The following DSCAM variants were observed in gnomAD, a reference collection of about 807,000 sequenced individuals.
DSCAM encodes DS cell adhesion molecule, also known as cell adhesion molecule DSCAM.
A neutral mutation model predicts 217.7 loss-of-function variants in DSCAM; 47 were observed. The ratio of observed to expected loss-of-function variants is 0.22; its 90% CI spans 0.17 to 0.28. DSCAM has a LOEUF of 0.28. Ranked by LOEUF, DSCAM falls within the 10% of genes least tolerant of loss-of-function variation. DSCAM has a pLI of 1.00. For synonymous variants in DSCAM, 1,056 were observed against 1,015.3 expected, an observed-to-expected ratio of 1.04 and a Z score of -0.76; for missense variants, 2,080 against 2,618.3, an observed-to-expected ratio of 0.79 and a Z score of 4.49.
At chr21:40,678,373 C>A (rs943793018) in intron 3 of DSCAM, among the ~76,000 whole-genome samples, 4 of 152,178 alleles carry the variant, frequency 2.6e-5, no homozygotes, top group African/African-American at 9.7e-5. Context: ...ACCACAAAAT[C>A]CCAGGTTGGA....
In DSCAM at chr21:40,798,931, G is replaced by A. The variant is rs147252712; in HGVS notation, c.43+47688C>T. On this transcript the variant is annotated intron_variant, in intron 1 of 32. Coordinates refer to ENST00000400454, the MANE Select transcript of DSCAM (RefSeq NM_001389.5). Reference sequence around the variant, plus strand: ...GATAAACAAATTTACCATAAAAACAGGAAAATTCCATTCCCAATGCTATAA... The same window carrying A: ...GATAAACAAATTTACCATAAAAACAAGAAAATTCCATTCCCAATGCTATAA... Among the ~76,000 whole-genome samples, 464 of 152,082 alleles carry A rather than the reference G, an allele frequency of 3.1e-3. 2 individuals carry two copies. The highest frequency in any genetic ancestry group is 0.011 in the African/African-American group (448 of 41,516).
intron 11 of DSCAM, among the ~76,000 whole-genome samples, chr21:40,257,468 G>GAA (rs1330480227): frequency 9.8e-4 from 57 of 58,242 alleles, no homozygotes; most frequent in African/African-American, 5.0e-3. Context: ...TGTATTTGCT[G>GAA]AACACACACA....
chr21:40,427,017 C>A (rs1013281859), intron 3 of DSCAM, among the ~76,000 whole-genome samples: 7 of 152,208 alleles, frequency 4.6e-5, no homozygotes. Context: ...GGACCTGATG[C>A]TGTCAGCCGT....
At chr21:40,105,989 T>G (rs2089814858) in intron 20 of DSCAM, among the ~76,000 whole-genome samples, 1 of 152,172 alleles carries the variant, frequency 6.6e-6, no homozygotes, top group African/African-American at 2.4e-5. Flanking sequence ...ATTAGCCCAT[T>G]TTTATACTGC....
intron 3 of DSCAM, among the ~76,000 whole-genome samples, chr21:40,522,259 TAGG>T (rs1187775811): frequency 1.3e-5 from 2 of 152,150 alleles, no homozygotes; most frequent in Admixed American, 6.5e-5. Context: ...TTGTTCTCCT[TAGG>T]AGAAGAGCTA....
chr21:40,330,477 GGTAAA>G (rs1295269664), intron 8 of DSCAM, among the ~76,000 whole-genome samples: 1 of 149,624 alleles, frequency 6.7e-6, no homozygotes, highest in Non-Finnish European at 1.5e-5. Context: ...CTCCAATTAG[GGTAAA>G]GTAATTTGAG....
In DSCAM at chr21:40,783,448, CGT is replaced by C. The variant is rs901949532; in HGVS notation, c.43+63169_43+63170del. 3.1e-3 allele frequency among the ~76,000 whole-genome samples: 472 copies of C among 151,596 alleles called. 2 individuals carry two copies. The highest frequency in any genetic ancestry group is 0.011 in the African/African-American group (447 of 41,346). On this transcript the variant is annotated intron_variant, in intron 1 of 32. Coordinates refer to ENST00000400454, the MANE Select transcript of DSCAM (RefSeq NM_001389.5). ...CTGCATGTGTGTGTACGTGTGTGTG[CGT>C]GTGTGTGTGTGCATGCATACATGTA...
At chr21:40,591,559 A>C (rs73366990) in intron 3 of DSCAM, among the ~76,000 whole-genome samples, 4,602 of 152,268 alleles carry the variant, frequency 0.03, 197 homozygotes, top group East Asian at 0.093. Flanking sequence ...TTGTGAGGGT[A>C]TGTTATATTG....
At chr21:40,505,279 T>C (rs756666465) in intron 3 of DSCAM, among the ~76,000 whole-genome samples, 7 of 152,170 alleles carry the variant, frequency 4.6e-5, no homozygotes, top group Non-Finnish European at 8.8e-5. Flanking sequence ...AAAATGACAA[T>C]TTTTTTGTTG....
chr21:40,139,956 T>G (rs62237637), intron 18 of DSCAM, among the ~76,000 whole-genome samples: 7,833 of 150,934 alleles, frequency 0.052, 267 homozygotes, highest in Non-Finnish European at 0.079. Context: ...ATGTGATGTT[T>G]GTGAGGTGTG....
At chr21:40,622,925 T>C (rs1182466986) in intron 3 of DSCAM, among the ~76,000 whole-genome samples, 5 of 152,084 alleles carry the variant, frequency 3.3e-5, no homozygotes, top group African/African-American at 1.2e-4. Flanking sequence ...CTTTGTCATA[T>C]AATTGGACCT....
At chr21:40,448,788 T>C (rs2075695980) in intron 3 of DSCAM, among the ~76,000 whole-genome samples, 1 of 152,170 alleles carries the variant, frequency 6.6e-6, no homozygotes, top group South Asian at 2.1e-4. Context: ...TATGAGAGTT[T>C]TGTCTCTGGA....
chr21:40,666,905 G>A (rs1444631503), intron 3 of DSCAM, among the ~76,000 whole-genome samples: 1 of 152,174 alleles, frequency 6.6e-6, no homozygotes, highest in Non-Finnish European at 1.5e-5. Flanking sequence ...TCCTTGGTTG[G>A]CTTTATTATT....
Position 40,685,532 on chromosome 21 carries a change from T to G in DSCAM, c.508+7278A>C, listed in dbSNP as rs117997250. Among the ~76,000 whole-genome samples the G allele has an allele frequency of 2.2e-4, 34 of 152,318 alleles. No homozygotes were observed. In the East Asian group the frequency reaches 6.0e-3, roughly 27 times the overall value. On this transcript the variant is annotated intron_variant, in intron 3 of 32. Coordinates refer to ENST00000400454, the MANE Select transcript of DSCAM (RefSeq NM_001389.5). Reference sequence around the variant, plus strand: ...CTCCCCTGGTAGACAACATTGCACCTCTTATCATGACTCATTGCTGGAGAA... The same window carrying G: ...CTCCCCTGGTAGACAACATTGCACCGCTTATCATGACTCATTGCTGGAGAA...
intron 3 of DSCAM, among the ~76,000 whole-genome samples, chr21:40,456,301 T>G (rs2075762999): frequency 6.6e-6 from 1 of 151,926 alleles, no homozygotes; most frequent in Non-Finnish European, 1.5e-5. Flanking sequence ...AAAAAATTTT[T>G]TAGAGTTCAC....
At chr21:40,340,092 T>C (rs2074475025) in intron 6 of DSCAM, among the ~76,000 whole-genome samples, 1 of 152,194 alleles carries the variant, frequency 6.6e-6, no homozygotes, top group South Asian at 2.1e-4. Flanking sequence ...TAAAAACCTC[T>C]AAAGATATCT....
At chr21:40,340,324 A>G (rs1398610934) in intron 6 of DSCAM, among the ~76,000 whole-genome samples, 1 of 152,126 alleles carries the variant, frequency 6.6e-6, no homozygotes, top group African/African-American at 2.4e-5. Context: ...CATAGATCAA[A>G]TTTTCATATT....
intron 11 of DSCAM, among the ~76,000 whole-genome samples, chr21:40,199,081 A>G (rs1051759494): frequency 2.0e-5 from 3 of 152,134 alleles, no homozygotes; most frequent in African/African-American, 7.2e-5. Flanking sequence ...GAGTAACCAC[A>G]ATCTGGAATC....
At chr21:40,524,119 A>AATTT (rs942946827) in intron 3 of DSCAM, among the ~76,000 whole-genome samples, 4 of 151,526 alleles carry the variant, frequency 2.6e-5, no homozygotes, top group Non-Finnish European at 5.9e-5. Context: ...TCCTTAAGAA[A>AATTT]ATTTATTTAT....
Sources: allele counts gnomAD v4.1 joint callset (sites outside exome capture counted in the v4.1 genomes callset), GRCh38; gene constraint gnomAD v4.1.1; transcripts MANE v1.5; gene names NCBI Gene and HGNC (gene_info 2026-07-23, HGNC 2026-07-21).